The following ING3 variants were observed in gnomAD, a reference collection of about 807,000 sequenced individuals.
ING3 encodes the protein inhibitor of growth protein 3.
In ING3, 6 loss-of-function variants were observed where a neutral mutation model predicts 64.8. That is an observed-to-expected ratio of 0.09 (90% CI 0.05 to 0.18). ING3 has a LOEUF of 0.18. Ranked by LOEUF, ING3 falls within the 10% of genes least tolerant of loss-of-function variation. The pLI, the probability that ING3 is intolerant of heterozygous loss-of-function variation, is 1.00. For synonymous variants in ING3, 170 were observed against 173.7 expected (o/e 0.98, Z 0.17); for missense variants, 310 against 489.7 (o/e 0.63, Z 3.46).
chr7:120,963,703 C>T (rs562055632), intron 4 of ING3, among the ~76,000 whole-genome samples: 6 of 152,286 alleles, frequency 3.9e-5, no homozygotes, highest in East Asian at 3.9e-4. Flanking sequence ...ATTACCTCCT[C>T]TTCATAGGCA....
intron 4 of ING3, among the ~76,000 whole-genome samples, chr7:120,959,470 G>GAAATTT (rs1445833784): frequency 6.6e-6 from 1 of 151,862 alleles, no homozygotes; most frequent in Non-Finnish European, 1.5e-5. Context: ...TCAGTGTTTT[G>GAAATTT]AAATTTAAAA....
At chr7:120,958,939 A>G (rs948035286) in intron 4 of ING3, among the ~76,000 whole-genome samples, 2 of 152,168 alleles carry the variant, frequency 1.3e-5, no homozygotes, top group African/African-American at 2.4e-5. Context: ...CTAATCCTCT[A>G]TAACTTCATT....
Position 120,959,630 on chromosome 7 carries a change from A to ATTTTT in ING3, c.267+4035_267+4039dup, listed in dbSNP as rs397889009. Among the ~76,000 whole-genome samples, 142 of 55,718 alleles carry ATTTTT rather than the reference A, an allele frequency of 2.5e-3. 6 individuals carry two copies. Among genetic ancestry groups the ATTTTT allele is most frequent in the East Asian group, 3.3e-3 (6 of 1,816 alleles). 36.6% of individuals were successfully genotyped at this position (55,718 alleles called of 152,430 possible). A position where few individuals can be genotyped will look rare whatever the true frequency, so the allele number is the denominator to read the frequency against. On this transcript the variant is annotated intron_variant, in intron 4 of 11. Transcript: ENST00000315870. ...CCTATACTCCTTGTCACTTCCTCACATTTTTTTTTTTTTTTTTTTTTTTTT... is the reference window on the plus strand; with the variant it reads ...CCTATACTCCTTGTCACTTCCTCACATTTTTTTTTTTTTTTTTTTTTTTTTTTTTT...
chr7:120,970,554 G>A (rs1796057370), intron 9 of ING3, 134 bp from the exon 10 acceptor site: 3 of 845,918 alleles, frequency 3.5e-6, no homozygotes, highest in Non-Finnish European at 5.4e-6. Context: ...TAAGTCATTG[G>A]TAAATCCGGA....
At chr7:120,967,026 G>A (rs777665209) in intron 6 of ING3, among the ~76,000 whole-genome samples, 4 of 152,116 alleles carry the variant, frequency 2.6e-5, no homozygotes, top group Non-Finnish European at 5.9e-5. Context: ...CAAACAATAA[G>A]CTATTTTGTA....
intron 3 of ING3, among the ~76,000 whole-genome samples, chr7:120,954,447 G>T (rs756632553): frequency 6.6e-6 from 1 of 151,710 alleles, no homozygotes; most frequent in Non-Finnish European, 1.5e-5. Context: ...AAAAAAAAAG[G>T]GTCCACTAAG....
At chr7:120,956,432 A>G in intron 4 of ING3, 2 of 1,227,500 alleles carry the variant, frequency 1.6e-6, no homozygotes, top group Non-Finnish European at 2.1e-6. Flanking sequence ...GTAAAATGTC[A>G]TTGGTGAGCA....
rs372830628 is a variant in ING3 at position 120,974,855 on chromosome 7, T to G, written c.*11T>G. ...AGCAGACACAAATAAAGGTGGTCCT[T>G]TTGTTTGATGAAGAAATAAACTTCA... On this transcript the variant is annotated 3_prime_UTR_variant, in exon 12 of 12. Transcript: ENST00000315870. 1.3e-6 allele frequency: 2 copies of G among 1,557,730 alleles called. No homozygotes were observed. Among genetic ancestry groups the G allele is most frequent in the African/African-American group, 1.4e-5 (1 of 73,428 alleles).
chr7:120,953,148 C>A (rs961962334), intron 2 of ING3, among the ~76,000 whole-genome samples, 156 bp from the exon 3 acceptor site: 10 of 152,082 alleles, frequency 6.6e-5, no homozygotes, highest in African/African-American at 2.2e-4. Flanking sequence ...ATAATTGAGG[C>A]ATTATATATT....
intron 7 of ING3, 40 bp downstream of exon 7, chr7:120,967,688 G>T: frequency 6.4e-7 from 1 of 1,551,442 alleles, no homozygotes. Context: ...TTGTTTGTTT[G>T]TGTTAGAGTA....
At chr7:120,959,759 C>T (rs1189119323) in intron 4 of ING3, among the ~76,000 whole-genome samples, 1 of 150,130 alleles carries the variant, frequency 6.7e-6, no homozygotes, top group African/African-American at 2.5e-5. Context: ...CATTCTCCTG[C>T]CTCAGCCTCC....
chr7:120,967,615 C>T lies in ING3; in HGVS notation c.523C>T (p.Leu175Phe). 1.9e-6 allele frequency: 3 copies of T among 1,607,182 alleles called. No individual in the cohort carries two copies. The Middle Eastern group carries it at 5.0e-4, about 266-fold the overall frequency. Reference protein sequence around the residue: ...KFKSEALLSTLTSDASKENTL... With the variant: ...KFKSEALLSTFTSDASKENTL... ...TAAATCTGAAGCTCTTCTATCCACC[C>T]TTACGTCAGATGCCTCTAAGGAAAA... The change falls in exon 7 of 12, where the codon CTT becomes TTT. Residue 175 changes from leucine to phenylalanine, a missense_variant. Leu to Phe is a conservative substitution (Grantham distance 22). Coordinates refer to ENST00000315870, the MANE Select transcript of ING3 (RefSeq NM_019071.3).
At chr7:120,951,087 C>G in intron 1 of ING3, 77 bp from the exon 2 acceptor site, 2 of 1,562,656 alleles carry the variant, frequency 1.3e-6, no homozygotes. Flanking sequence ...CTCGACCCCC[C>G]TGACGCACGC....
Position 120,970,816 on chromosome 7 carries a change from A to T in ING3, c.1037A>T (p.Asp346Val). 6.2e-7 allele frequency: 1 copy of T among 1,613,934 alleles called. No individual in the cohort carries two copies. The highest frequency in any genetic ancestry group is 8.5e-7 in the Non-Finnish European group (1 of 1,179,844). The change falls in exon 10 of 12, where the codon GAT (aspartate) becomes GTT (valine). Residue 346 changes from aspartate to valine, a missense_variant. Asp to Val is a radical substitution (Grantham distance 152). Coordinates refer to ENST00000315870, the MANE Select transcript of ING3 (RefSeq NM_019071.3). Reference sequence around the variant, plus strand: ...CAAACAACTGTAGTGCCAGAATCTGATTCAAATAGTCAGGTTGATTGGACT... The same window carrying T: ...CAAACAACTGTAGTGCCAGAATCTGTTTCAAATAGTCAGGTTGATTGGACT... ...SQQTTVVPES[D>V]SNSQVDWTYD...
rs779310394 is a variant in ING3, at chr7:120,974,849, G to A, written c.*5G>A. On this transcript the variant is annotated 3_prime_UTR_variant, in exon 12 of 12. Transcript: ENST00000315870. ...AGAGGCAGCAGACACAAATAAAGGT[G>A]GTCCTTTTGTTTGATGAAGAAATAA... The A allele has an allele frequency of 1.3e-6, 2 of 1,577,906 alleles. No homozygotes were observed. Among genetic ancestry groups the A allele is most frequent in the Non-Finnish European group, 1.7e-6 (2 of 1,154,020 alleles).
At chr7:120,960,752 G>A (rs1262143358) in intron 4 of ING3, among the ~76,000 whole-genome samples, 1 of 152,138 alleles carries the variant, frequency 6.6e-6, no homozygotes, top group African/African-American at 2.4e-5. Context: ...CCGTTTTAGT[G>A]AAATTTGACT....
At chr7:120,973,372 T>C (rs1395104746) in intron 11 of ING3, 129 bp downstream of exon 11, 2 of 604,782 alleles carry the variant, frequency 3.3e-6, no homozygotes, top group Admixed American at 5.7e-5. Flanking sequence ...TATATTATGC[T>C]AATGCTAGAA....
chr7:120,968,388 T>G (rs1369099318), intron 8 of ING3, among the ~76,000 whole-genome samples: 2 of 152,174 alleles, frequency 1.3e-5, no homozygotes, highest in Non-Finnish European at 2.9e-5. Context: ...CTAGCATAGT[T>G]CTTCGTTCTT....
intron 9 of ING3, among the ~76,000 whole-genome samples, chr7:120,969,657 G>A (rs1796041933): frequency 6.6e-6 from 1 of 151,794 alleles, no homozygotes; most frequent in Non-Finnish European, 1.5e-5. Flanking sequence ...AACTGATGGT[G>A]TAAAAATATC....
Sources: allele counts gnomAD v4.1 joint callset (sites outside exome capture counted in the v4.1 genomes callset), GRCh38; gene constraint gnomAD v4.1.1; transcripts MANE v1.5; gene names NCBI Gene and HGNC (gene_info 2026-07-23, HGNC 2026-07-21).